The following NR1I2 variants were observed in gnomAD, a reference collection of about 807,000 sequenced individuals.
NR1I2 encodes orphan nuclear receptor PAR1.
NR1I2 carries 42 observed loss-of-function variants against 43.3 expected under a neutral mutation model. The ratio of observed to expected loss-of-function variants is 0.97; its 90% CI spans 0.76 to 1.26. NR1I2 has a LOEUF of 1.26. Ranked by LOEUF, NR1I2 falls within the 50% of genes most tolerant of loss-of-function variation. NR1I2 has a pLI of 0.00. For missense variants in NR1I2, 559 were observed against 566.7 expected, an observed-to-expected ratio of 0.99 and a Z score of 0.14; for synonymous variants, 229 against 215.0, an observed-to-expected ratio of 1.06 and a Z score of -0.57.
chr3:119,809,135 C>T (rs2055199402), intron 2 of NR1I2, among the ~76,000 whole-genome samples: 1 of 152,212 alleles, frequency 6.6e-6, no homozygotes, highest in Admixed American at 6.5e-5. Flanking sequence ...CCAGCCTTCC[C>T]TCAGTTTCCA....
At chr3:119,784,422 G>A (rs1040331051) in intron 1 of NR1I2, among the ~76,000 whole-genome samples, 1 of 151,760 alleles carries the variant, frequency 6.6e-6, no homozygotes, top group Non-Finnish European at 1.5e-5. Flanking sequence ...CTTCTTTGTA[G>A]GAGTTTTTTA....
intron 1 of NR1I2, among the ~76,000 whole-genome samples, chr3:119,788,247 GGGACTACA>G (rs1374791795): frequency 2.0e-5 from 3 of 152,022 alleles, no homozygotes; most frequent in African/African-American, 7.3e-5. Context: ...CCAGAGAGCT[GGGACTACA>G]GGTGTGTGCC....
intron 1 of NR1I2, among the ~76,000 whole-genome samples, chr3:119,794,750 C>G (rs985218754): frequency 2.0e-5 from 3 of 152,120 alleles, no homozygotes; most frequent in Non-Finnish European, 4.4e-5. Context: ...TTAGCCTGGC[C>G]AACATGGTGA....
intron 1 of NR1I2, among the ~76,000 whole-genome samples, chr3:119,797,186 A>ATGTGTGTGTGTGTATGTGTGTGTGTGTG (rs2055012524): frequency 6.9e-6 from 1 of 145,074 alleles, no homozygotes; most frequent in East Asian, 2.1e-4. Flanking sequence ...GCACAAAGAT[A>ATGTGTGTGTGTGTATGTGTGTGTGTGTG]TGTGTGTGTG....
At chr3:119,805,783 C>T (rs1168290815) in intron 1 of NR1I2, among the ~76,000 whole-genome samples, 1 of 141,262 alleles carries the variant, frequency 7.1e-6, no homozygotes, top group Non-Finnish European at 1.5e-5. Context: ...GAATTACCAA[C>T]CCAAATGCAC....
chr3:119,796,742 G>C (rs565328491), intron 1 of NR1I2, among the ~76,000 whole-genome samples: 10 of 152,346 alleles, frequency 6.6e-5, no homozygotes, highest in African/African-American at 2.2e-4. Flanking sequence ...CATGGCATCT[G>C]CCTTTCTGGT....
chr3:119,817,182 G>T lies in NR1I2; in HGVS notation c.1275G>T (p.Met425Ile). ...TACACCCCTTTGCTACGCCCCTCAT[G>T]CAGGAGTTGTTCGGCATCACAGGTA... The change falls in exon 9 of 9, where the codon ATG (methionine) becomes ATT (isoleucine). Residue 425 changes from methionine (M) to isoleucine (I), a missense_variant. By Grantham distance (10) the Met-to-Ile change is conservative. This residue lies in a region of NR1I2 where 323 missense variants were observed against 312.2 expected (regional missense o/e 1.03). Coordinates refer to ENST00000393716, the MANE Select transcript of NR1I2 (RefSeq NM_003889.4). 6.2e-7 allele frequency: 1 copy of T among 1,614,192 alleles called. No homozygotes were observed. The highest frequency in any genetic ancestry group is 8.5e-7 in the Non-Finnish European group (1 of 1,180,044).
chr3:119,811,531 C>G lies in NR1I2; in HGVS notation c.332-8C>G, dbSNP rs200783966. 4.3e-6 allele frequency: 7 copies of G among 1,609,752 alleles called. No individual in the cohort carries two copies. Among genetic ancestry groups the G allele is most frequent in the Admixed American group, 3.4e-5 (2 of 59,694 alleles). On this transcript the variant is annotated splice_region_variant and splice_polypyrimidine_tract_variant and intron_variant, in intron 3 of 8. Coordinates refer to ENST00000393716, the MANE Select transcript of NR1I2 (RefSeq NM_003889.4). ...CGTGTGCCTGAGCCAGCCTCACTGT[C>G]CCTGCAGTGATCATGTCCGACGAGG...
chr3:119,812,953 T>A lies in NR1I2; in HGVS notation c.787T>A (p.Tyr263Asn), dbSNP rs761179278. The A allele has an allele frequency of 6.2e-7, 1 of 1,613,292 alleles. No homozygotes were observed. The highest frequency in any genetic ancestry group is 1.3e-5 in the African/African-American group (1 of 74,960). The change falls in exon 5 of 9, where the codon TAC (tyrosine) becomes AAC (asparagine). Residue 263 changes from tyrosine to asparagine, a missense_variant. Transcript: ENST00000393716. The stretch of plus-strand genomic sequence containing the variant: ...CATCAGCTTTGCCAAAGTCATCTCC[T>A]ACTTCAGGTAGGACATGGAGACTGG...
chr3:119,816,734 C>G (rs1225190602), intron 8 of NR1I2, among the ~76,000 whole-genome samples: 1 of 151,510 alleles, frequency 6.6e-6, no homozygotes, highest in Non-Finnish European at 1.5e-5. Flanking sequence ...GGCTGGAGGT[C>G]TCTTGAGTCC....
intron 1 of NR1I2, chr3:119,782,713 CT>C (rs1251265844): frequency 2.1e-6 from 3 of 1,429,292 alleles, no homozygotes; most frequent in Non-Finnish European, 2.0e-6. Flanking sequence ...TCCTTTTGGC[CT>C]GCTGGGTTAG....
In NR1I2 at chr3:119,817,270, G is replaced by A; in HGVS notation, c.*58G>A. Reference sequence around the variant, plus strand: ...AGCCAGACCCAGAGCCCTCTGAGCCGCCACTCCCGGGCCAAGACAGATGGA... The same window carrying A: ...AGCCAGACCCAGAGCCCTCTGAGCCACCACTCCCGGGCCAAGACAGATGGA... On this transcript the variant is annotated 3_prime_UTR_variant, in exon 9 of 9. Transcript: ENST00000393716. 11 of 1,608,510 alleles carry A rather than the reference G, an allele frequency of 6.8e-6. No individual in the cohort carries two copies. The highest frequency in any genetic ancestry group is 1.7e-4 in the Middle Eastern group (1 of 6,054).
intron 6 of NR1I2, 98 bp downstream of exon 6, chr3:119,815,219 A>T: frequency 6.3e-7 from 1 of 1,587,310 alleles, no homozygotes; most frequent in Non-Finnish European, 8.6e-7. Flanking sequence ...CTGGGATGGC[A>T]GGGCAGGAAG....
intron 2 of NR1I2, 109 bp from the exon 3 acceptor site, chr3:119,809,952 C>T (rs1053473833): frequency 7.5e-5 from 107 of 1,428,946 alleles, no homozygotes; most frequent in Non-Finnish European, 1.0e-4. Flanking sequence ...GCTAGTGTCC[C>T]CCTCCCCGAG....
At chr3:119,815,152 AG>A in intron 6 of NR1I2, 31 bp downstream of exon 6, 1 of 1,613,974 alleles carries the variant, frequency 6.2e-7, no homozygotes. Context: ...GCCCTGGCAG[AG>A]GGAGGGAAAC....
At chr3:119,811,294 T>C (rs73175826) in intron 3 of NR1I2, 25,741 of 463,970 alleles carry the variant, frequency 0.055, 870 homozygotes, top group Middle Eastern at 0.071. Context: ...CCCCACAGTG[T>C]CCTCACAAAC....
At chr3:119,810,216 G>T (rs368540694) in intron 3 of NR1I2, 22 bp downstream of exon 3, 3 of 1,577,718 alleles carry the variant, frequency 1.9e-6, no homozygotes, top group Non-Finnish European at 2.6e-6. Flanking sequence ...GCGCGCGGGC[G>T]GGCCGGCGCC....
At position 119,815,328 on chromosome 3, in the gene NR1I2, T is replaced by C; in HGVS notation, c.943T>C (p.Phe315Leu). The change falls in exon 7 of 9, where the codon TTC becomes CTC. Residue 315 changes from phenylalanine to leucine, a missense_variant. Phe to Leu is a conservative substitution (Grantham distance 22). Transcript: ENST00000393716. ...CATCCTGTTACCATCCACAGGTGGC[T>C]TCCAGCAACTTCTACTGGAGCCCAT... 1 of 1,613,684 alleles carries C rather than the reference T, an allele frequency of 6.2e-7. No homozygotes were observed. The highest frequency in any genetic ancestry group is 8.5e-7 in the Non-Finnish European group (1 of 1,179,638).
intron 1 of NR1I2, among the ~76,000 whole-genome samples, chr3:119,783,642 TA>T (rs1048664540): frequency 7.2e-5 from 11 of 152,208 alleles, no homozygotes; most frequent in African/African-American, 2.7e-4. Flanking sequence ...TTTTAAATTA[TA>T]AAGTAATACA....
Sources: gnomAD v4.1 joint callset for allele counts (sites outside exome capture counted in the v4.1 genomes callset) on GRCh38, gnomAD v4.1.1 for gene constraint, gnomAD v4.1.1 regional missense constraint, MANE v1.5 for transcripts, NCBI Gene and HGNC (gene_info 2026-07-23, HGNC 2026-07-21) for gene names.